ITPK1: variants seen among roughly 807,000 people sequenced by gnomAD.
ITPK1 encodes inositol-tetrakisphosphate 1-kinase.
A neutral mutation model predicts 45.3 loss-of-function variants in ITPK1; 21 were observed. The ratio of observed to expected loss-of-function variants is 0.46; its 90% CI spans 0.33 to 0.67. ITPK1 has a LOEUF of 0.67. Ranked by LOEUF, ITPK1 falls within the 30% of genes least tolerant of loss-of-function variation. The pLI is 0.02. For synonymous variants in ITPK1, 258 were observed against 253.6 expected (o/e 1.02, Z -0.16); for missense variants, 474 against 573.5 (o/e 0.83, Z 1.77).
intron 3 of ITPK1, among the ~76,000 whole-genome samples, chr14:93,065,527 G>A (rs987559045): frequency 6.6e-6 from 1 of 152,192 alleles, no homozygotes; most frequent in Non-Finnish European, 1.5e-5. Flanking sequence ...CCATTTTACA[G>A]AAGAATAAAC....
intron 3 of ITPK1, among the ~76,000 whole-genome samples, chr14:93,062,102 C>A (rs1440820577): frequency 6.6e-6 from 1 of 152,132 alleles, no homozygotes; most frequent in African/African-American, 2.4e-5. Flanking sequence ...GAAACCCCAT[C>A]ACTACTAAAA....
rs537480911 is a variant in ITPK1, at chr14:92,939,817, G to A, written c.*1744C>T. ...ATTAAACGTCTTTTAAGGACTGGGA[G>A]TATGACATAACAAACTTGAGCAACA... On this transcript the variant is annotated 3_prime_UTR_variant, in exon 11 of 11. Transcript: ENST00000267615. 7.1e-6 allele frequency: 7 copies of A among 985,754 alleles called. No individual in the cohort carries two copies. The highest frequency in any genetic ancestry group is 5.2e-5 in the African/African-American group (3 of 57,366). The allele number at this position is 985,754 out of a possible 1,614,324, so 61.1% of individuals were successfully genotyped here.
At chr14:93,040,369 G>T (rs1189455509) in intron 3 of ITPK1, among the ~76,000 whole-genome samples, 5 of 152,182 alleles carry the variant, frequency 3.3e-5, no homozygotes, top group African/African-American at 1.2e-4. Flanking sequence ...ACAGAGCAGG[G>T]GTAGGGAGGG....
At chr14:92,989,544 G>A (rs941218746) in intron 5 of ITPK1, among the ~76,000 whole-genome samples, 4 of 152,152 alleles carry the variant, frequency 2.6e-5, no homozygotes, top group Non-Finnish European at 4.4e-5. Flanking sequence ...GCCCAGAATC[G>A]CTCACCCTAG....
At position 93,082,528 on chromosome 14, in the gene ITPK1, A is replaced by G. The variant is rs560303815; in HGVS notation, c.96-5909T>C. ...CCCACACGGGCTTTAAGGGAAACAG[A>G]GTCCAGGCCTGGCACAGTACCTGGC... is the stretch of plus-strand genomic sequence containing the variant. On this transcript the variant is annotated intron_variant, in intron 2 of 10. Coordinates refer to ENST00000267615, the MANE Select transcript of ITPK1 (RefSeq NM_014216.6). Among the ~76,000 whole-genome samples the G allele has an allele frequency of 6.6e-5, 10 of 152,366 alleles. No individual in the cohort carries two copies. In the South Asian group the frequency reaches 1.7e-3, roughly 25 times the overall value.
chr14:92,966,321 A>G (rs1272761019), intron 5 of ITPK1, among the ~76,000 whole-genome samples: 1 of 152,250 alleles, frequency 6.6e-6, no homozygotes, highest in Non-Finnish European at 1.5e-5. Context: ...CCAGCAATGA[A>G]CAATCCAAAC....
chr14:93,112,601 G>A (rs140408990), intron 2 of ITPK1, among the ~76,000 whole-genome samples: 4 of 151,946 alleles, frequency 2.6e-5, no homozygotes, highest in East Asian at 1.9e-4. Flanking sequence ...CATCATGCCC[G>A]GCTAATTTTT....
intron 4 of ITPK1, among the ~76,000 whole-genome samples, chr14:93,011,071 T>C (rs1887876713): frequency 6.6e-6 from 1 of 152,244 alleles, no homozygotes; most frequent in Non-Finnish European, 1.5e-5. Flanking sequence ...TTTAATTGTT[T>C]TTAAGAAGAA....
chr14:92,987,343 C>A (rs1187206671), intron 5 of ITPK1, among the ~76,000 whole-genome samples: 1 of 152,184 alleles, frequency 6.6e-6, no homozygotes, highest in African/African-American at 2.4e-5. Flanking sequence ...TGGGGGCGTG[C>A]TCCCTGAGGC....
chr14:93,101,750 T>C (rs1892330571), intron 2 of ITPK1, among the ~76,000 whole-genome samples: 1 of 152,170 alleles, frequency 6.6e-6, no homozygotes, highest in Non-Finnish European at 1.5e-5. Context: ...CTCGGAAGGC[T>C]GAGGCAGGAG....
intron 8 of ITPK1, 66 bp from the exon 9 acceptor site, chr14:92,952,079 GACAC>G: frequency 2.4e-6 from 3 of 1,276,160 alleles, no homozygotes; most frequent in Non-Finnish European, 3.3e-6. Context: ...GCCGCCACCT[GACAC>G]CAGGGGGCAG....
chr14:92,940,274 A>G lies in ITPK1; in HGVS notation c.*1287T>C. ...AACTGCTATCTTAAGACACAAAAAC[A>G]TACTTGTGGGGGCTGATGCCTCTCA... On this transcript the variant is annotated 3_prime_UTR_variant, in exon 11 of 11. Coordinates refer to ENST00000267615, the MANE Select transcript of ITPK1 (RefSeq NM_014216.6). The G allele has an allele frequency of 2.0e-6, 2 of 987,914 alleles. No homozygotes were observed. Among genetic ancestry groups the G allele is most frequent in the Non-Finnish European group, 2.4e-6 (2 of 831,524 alleles). The allele number at this position is 987,914 out of a possible 1,614,324, so 61.2% of individuals were successfully genotyped here.
chr14:92,981,059 GC>G (rs1886205493), intron 5 of ITPK1, among the ~76,000 whole-genome samples: 1 of 152,098 alleles, frequency 6.6e-6, no homozygotes, highest in African/African-American at 2.4e-5. Flanking sequence ...CACCCTTGGA[GC>G]CCCCCAGCAC....
intron 3 of ITPK1, among the ~76,000 whole-genome samples, chr14:93,019,054 AGGCCAT>A (rs1888337492): frequency 6.6e-6 from 1 of 152,244 alleles, no homozygotes; most frequent in African/African-American, 2.4e-5. Context: ...GAAGGTAGAG[AGGCCAT>A]GGGCAGAGAA....
In ITPK1 at chr14:92,939,877, G is replaced by C. The variant is rs982600552; in HGVS notation, c.*1684C>G. On this transcript the variant is annotated 3_prime_UTR_variant, in exon 11 of 11. Coordinates refer to ENST00000267615, the MANE Select transcript of ITPK1 (RefSeq NM_014216.6). ...ACGTGTGAAATGCGGTTTGATTTCAGTAGTTTATTTTGGAGACAAAGCAGT... is the reference window on the plus strand; with the variant it reads ...ACGTGTGAAATGCGGTTTGATTTCACTAGTTTATTTTGGAGACAAAGCAGT... 1.0e-6 allele frequency: 1 copy of C among 985,858 alleles called. No homozygotes were observed. Among genetic ancestry groups the C allele is most frequent in the Non-Finnish European group, 1.2e-6 (1 of 829,938 alleles). The allele number at this position is 985,858 out of a possible 1,614,324, so 61.1% of individuals were successfully genotyped here.
Position 92,940,134 on chromosome 14 carries a change from G to A in ITPK1, c.*1427C>T. ...TGCAGCCCAGCTGAGCCAGGCCGAA[G>A]GACCTCCATGCACTGGCTCGGGGGC... On this transcript the variant is annotated 3_prime_UTR_variant, in exon 11 of 11. Coordinates refer to ENST00000267615, the MANE Select transcript of ITPK1 (RefSeq NM_014216.6). The A allele has an allele frequency of 1.0e-6, 1 of 985,796 alleles. No individual in the cohort carries two copies. Among genetic ancestry groups the A allele is most frequent in the Non-Finnish European group, 1.2e-6 (1 of 830,058 alleles). 61.1% of individuals were successfully genotyped at this position (985,796 alleles called of 1,614,324 possible). A position where few individuals can be genotyped will look rare whatever the true frequency, so the allele number is the denominator to read the frequency against.
At position 92,946,288 on chromosome 14, in the gene ITPK1, T is replaced by A. The variant is rs774997608; in HGVS notation, c.901+43A>T. The A allele has an allele frequency of 2.5e-6, 4 of 1,607,720 alleles. No homozygotes were observed. The Admixed American group carries it at 5.0e-5, about 20-fold the overall frequency. ...CACCTGCCTGGTCACCTGAGGACAG[T>A]CTCTGGAGGCCGGTCAGTGGAGGTG... On this transcript the variant is annotated intron_variant, in intron 10 of 10. Coordinates refer to ENST00000267615, the MANE Select transcript of ITPK1 (RefSeq NM_014216.6).
intron 4 of ITPK1, among the ~76,000 whole-genome samples, chr14:93,004,981 A>G (rs1887540763): frequency 6.6e-6 from 1 of 152,138 alleles, no homozygotes; most frequent in African/African-American, 2.4e-5. Context: ...CGGCAGTCTC[A>G]ACATGAAAAG....
intron 4 of ITPK1, among the ~76,000 whole-genome samples, chr14:93,002,225 C>T (rs1251048803): frequency 6.6e-6 from 1 of 152,128 alleles, no homozygotes; most frequent in African/African-American, 2.4e-5. Context: ...TGGTGGTGCG[C>T]ACCTACTCAG....
Sources: allele counts gnomAD v4.1 joint callset (sites outside exome capture counted in the v4.1 genomes callset), GRCh38; gene constraint gnomAD v4.1.1; transcripts MANE v1.5; gene names NCBI Gene and HGNC (gene_info 2026-07-23, HGNC 2026-07-21).